The following SLC4A4 variants were observed in gnomAD, a reference collection of about 807,000 sequenced individuals.
SLC4A4 encodes the protein electrogenic sodium bicarbonate cotransporter 1.
A neutral mutation model predicts 111.5 loss-of-function variants in SLC4A4; 27 were observed. The observed-to-expected ratio is 0.24, with a 90% CI of 0.18 to 0.33. SLC4A4 has a LOEUF of 0.33. Ranked by LOEUF, SLC4A4 falls within the 10% of genes least tolerant of loss-of-function variation. The pLI, the probability that SLC4A4 is intolerant of heterozygous loss-of-function variation, is 1.00. For synonymous variants in SLC4A4, 443 were observed against 463.4 expected (o/e 0.96, Z 0.57); for missense variants, 909 against 1,315.5 (o/e 0.69, Z 4.78).
At chr4:71,107,521 G>A (rs771175500) in intron 2 of SLC4A4, among the ~76,000 whole-genome samples, 1 of 151,488 alleles carries the variant, frequency 6.6e-6, no homozygotes, top group Non-Finnish European at 1.5e-5. Flanking sequence ...TAATTTTTTT[G>A]CATTTTTTAG....
chr4:71,103,334 A>C (rs970295330), intron 2 of SLC4A4, among the ~76,000 whole-genome samples: 2 of 152,198 alleles, frequency 1.3e-5, no homozygotes, highest in Admixed American at 6.5e-5. Context: ...AGACTTTAAC[A>C]TCCCACTGTC....
intron 7 of SLC4A4, among the ~76,000 whole-genome samples, chr4:71,429,989 T>C (rs1278090853): frequency 6.6e-6 from 1 of 152,176 alleles, no homozygotes; most frequent in Non-Finnish European, 1.5e-5. Flanking sequence ...AAGCCTAGAA[T>C]TGGTTTTCAT....
intron 18 of SLC4A4, among the ~76,000 whole-genome samples, chr4:71,541,975 T>G (rs1443530396): frequency 6.6e-6 from 1 of 152,150 alleles, no homozygotes; most frequent in South Asian, 2.1e-4. Flanking sequence ...GTCATTCAGA[T>G]ACTTTTAACT....
intron 3 of SLC4A4, among the ~76,000 whole-genome samples, chr4:71,266,570 C>T (rs1035145138): frequency 6.6e-6 from 1 of 152,136 alleles, no homozygotes; most frequent in African/African-American, 2.4e-5. Flanking sequence ...TTACTCTTTT[C>T]TCCATGGTTC....
intron 7 of SLC4A4, among the ~76,000 whole-genome samples, chr4:71,422,703 A>T (rs1352464574): frequency 1.3e-5 from 2 of 151,328 alleles, no homozygotes; most frequent in Admixed American, 1.3e-4. Context: ...CAATAAATGT[A>T]ATCCAGCATA....
chr4:71,247,407 A>T (rs1720754569), intron 2 of SLC4A4, among the ~76,000 whole-genome samples: 3 of 151,280 alleles, frequency 2.0e-5, no homozygotes, highest in African/African-American at 7.3e-5. Context: ...CCATGAGTGT[A>T]TTGACTATAT....
At chr4:71,545,773 G>A (rs1033515825) in intron 18 of SLC4A4, among the ~76,000 whole-genome samples, 8 of 151,874 alleles carry the variant, frequency 5.3e-5, no homozygotes, top group East Asian at 1.9e-4. Flanking sequence ...TCTTGCTTTC[G>A]GATCCTTACA....
intron 2 of SLC4A4, among the ~76,000 whole-genome samples, chr4:71,103,402 A>G (rs1742817857): frequency 1.3e-5 from 2 of 152,212 alleles, no homozygotes; most frequent in South Asian, 4.1e-4. Flanking sequence ...AATTGAACTC[A>G]GCTCTGCACC....
intron 3 of SLC4A4, among the ~76,000 whole-genome samples, chr4:71,273,860 T>A (rs1162132068): frequency 1.3e-5 from 2 of 152,196 alleles, no homozygotes; most frequent in Admixed American, 1.3e-4. Context: ...AGTTTCTTTA[T>A]CTGAAAAATG....
chr4:71,295,852 G>A (rs185655577), intron 3 of SLC4A4, among the ~76,000 whole-genome samples: 6 of 152,048 alleles, frequency 3.9e-5, no homozygotes, highest in African/African-American at 1.4e-4. Context: ...AGAGACAGGG[G>A]TTTCACCATG....
chr4:71,307,466 A>G (rs1252396921), intron 3 of SLC4A4, among the ~76,000 whole-genome samples: 1 of 152,218 alleles, frequency 6.6e-6, no homozygotes, highest in African/African-American at 2.4e-5. Context: ...GCTCTTAAAG[A>G]TACTTCAGTA....
intron 16 of SLC4A4, among the ~76,000 whole-genome samples, chr4:71,512,845 G>C (rs1732053574): frequency 6.6e-6 from 1 of 152,122 alleles, no homozygotes; most frequent in African/African-American, 2.4e-5. Context: ...TATTCTTCTG[G>C]ATGTGGGTAT....
chr4:71,083,461 G>C (rs1449518257), intron 1 of SLC4A4, among the ~76,000 whole-genome samples: 2 of 151,590 alleles, frequency 1.3e-5, no homozygotes, highest in African/African-American at 4.9e-5. Flanking sequence ...TATTACCTCT[G>C]AAAAATTTCA....
chr4:71,537,745 G>C (rs1171291670), intron 18 of SLC4A4, among the ~76,000 whole-genome samples: 2 of 151,832 alleles, frequency 1.3e-5, no homozygotes, highest in South Asian at 2.1e-4. Flanking sequence ...GCCATGTTTA[G>C]AGTGTACTCG....
intron 3 of SLC4A4, among the ~76,000 whole-genome samples, chr4:71,338,125 G>A (rs751412428): frequency 3.0e-4 from 45 of 151,996 alleles, no homozygotes; most frequent in Admixed American, 5.9e-4. Flanking sequence ...AAGCCACCGC[G>A]CCCTGCCATT....
chr4:71,214,706 A>C (rs1385866862), intron 1 of SLC4A4, among the ~76,000 whole-genome samples: 2 of 152,334 alleles, frequency 1.3e-5, no homozygotes, highest in Non-Finnish European at 2.9e-5. Context: ...AATCTTTTTC[A>C]TGTCACAGAG....
chr4:71,314,462 G>A (rs1240430559), intron 3 of SLC4A4, among the ~76,000 whole-genome samples: 1 of 152,158 alleles, frequency 6.6e-6, no homozygotes, highest in Non-Finnish European at 1.5e-5. Flanking sequence ...AAAGACACAT[G>A]CACACGTATG....
intron 3 of SLC4A4, 147 bp from the exon 4 acceptor site, chr4:71,339,223 G>C (rs1031309180): frequency 6.2e-7 from 1 of 1,614,054 alleles, no homozygotes. Flanking sequence ...CTTTAGATTG[G>C]GGATTTGGGA....
intron 3 of SLC4A4, among the ~76,000 whole-genome samples, chr4:71,314,852 G>A (rs988912227): frequency 2.0e-5 from 3 of 152,066 alleles, no homozygotes; most frequent in Admixed American, 2.0e-4. Flanking sequence ...GTTGACAGGT[G>A]CAGCAAACCA....
Sources: gnomAD v4.1 joint callset for allele counts (sites outside exome capture counted in the v4.1 genomes callset) on GRCh38, gnomAD v4.1.1 for gene constraint, MANE v1.5 for transcripts, NCBI Gene and HGNC (gene_info 2026-07-23, HGNC 2026-07-21) for gene names.